Variants in RBMS3 observed in about 807,000 individuals in gnomAD.
RBMS3 encodes RNA binding motif single stranded interacting protein 3.
A neutral mutation model predicts 66.8 loss-of-function variants in RBMS3; 27 were observed. The ratio of observed to expected loss-of-function variants is 0.40; its 90% confidence interval spans 0.30 to 0.56. The LOEUF (loss-of-function observed/expected upper bound fraction) is 0.56, where lower values mean the gene tolerates loss of function less well. RBMS3 is among the 20% of genes least tolerant of loss of function. The pLI is 0.40. For missense variants in RBMS3, 513 were observed against 549.5 expected (o/e 0.93, Z 0.66); for synonymous variants, 188 against 183.0 (o/e 1.03, Z -0.22).
intron 12 of RBMS3, among the ~76,000 whole-genome samples, chr3:29,986,056 T>A (rs1356553030): frequency 6.6e-6 from 1 of 152,090 alleles, no homozygotes; most frequent in Non-Finnish European, 1.5e-5. Flanking sequence ...ACATACTAAC[T>A]TACTGGGCAA....
At chr3:29,789,354 A>T (rs1165747609) in intron 6 of RBMS3, among the ~76,000 whole-genome samples, 1 of 152,110 alleles carries the variant, frequency 6.6e-6, no homozygotes, top group East Asian at 1.9e-4. Context: ...TTATTAAAAA[A>T]TATTAATTTT....
intron 4 of RBMS3, among the ~76,000 whole-genome samples, chr3:29,635,979 A>G (rs1392554667): frequency 6.6e-6 from 1 of 151,660 alleles, no homozygotes; most frequent in Non-Finnish European, 1.5e-5. Context: ...AGGCCACTGT[A>G]GCTGCAAGGG....
At chr3:29,500,925 T>C (rs1374535227) in intron 3 of RBMS3, among the ~76,000 whole-genome samples, 1 of 152,094 alleles carries the variant, frequency 6.6e-6, no homozygotes, top group Admixed American at 6.6e-5. Flanking sequence ...AATTGTTATA[T>C]AAAGATTTAC....
chr3:29,734,748 C>T (rs1253865181), intron 4 of RBMS3, among the ~76,000 whole-genome samples: 1 of 152,076 alleles, frequency 6.6e-6, no homozygotes, highest in Non-Finnish European at 1.5e-5. Context: ...TCTTTTATAA[C>T]AATTAACATT....
chr3:29,484,171 T>C (rs768483867), intron 2 of RBMS3, among the ~76,000 whole-genome samples: 3 of 152,222 alleles, frequency 2.0e-5, no homozygotes, highest in Non-Finnish European at 2.9e-5. Context: ...GAAAGGTGTC[T>C]TGTCTGATGA....
At chr3:29,472,886 C>G (rs945761152) in intron 2 of RBMS3, among the ~76,000 whole-genome samples, 7 of 152,264 alleles carry the variant, frequency 4.6e-5, no homozygotes, top group African/African-American at 1.7e-4. Flanking sequence ...CTGGGACAGT[C>G]TGCTTTTATT....
In RBMS3 at chr3:29,527,838, C is replaced by T. The variant is rs1816661; in HGVS notation, c.307+39339C>T. Among the ~76,000 whole-genome samples, 908 of 149,394 alleles carry T rather than the reference C, an allele frequency of 6.1e-3. 59 individuals are homozygous for T. The East Asian group carries it at 0.15, about 25-fold the overall frequency. On this transcript the variant is annotated intron_variant, in intron 3 of 14. Coordinates refer to ENST00000383767, the MANE Select transcript of RBMS3 (RefSeq NM_001003793.3). ...GCCCTGGTGTGTGATGTTCCCCTTCCTGTGTCCAAGTGTTCTCATTGTTCA... is the reference window on the plus strand; with the variant it reads ...GCCCTGGTGTGTGATGTTCCCCTTCTTGTGTCCAAGTGTTCTCATTGTTCA...
chr3:29,862,864 G>GAA (rs5847603), intron 6 of RBMS3, among the ~76,000 whole-genome samples: 41 of 91,450 alleles, frequency 4.5e-4, no homozygotes, highest in Admixed American at 6.9e-4. Flanking sequence ...AAAGAAAAAA[G>GAA]AAAAAAAAAA....
chr3:29,488,429 TC>T lies in RBMS3; in HGVS notation c.249-11del. 2 of 1,596,328 alleles carry T rather than the reference TC, an allele frequency of 1.3e-6. No homozygotes were observed. Among genetic ancestry groups the T allele is most frequent in the Non-Finnish European group, 1.7e-6 (2 of 1,164,622 alleles). The stretch of plus-strand genomic sequence containing the variant: ...ACAATAACATGGGTTTTTTTCTCTC[TC>T]TCTCTTTCAGGTATGGAAAAATTGT... On this transcript the variant is annotated splice_polypyrimidine_tract_variant and intron_variant, in intron 2 of 14. Transcript: ENST00000383767.
intron 6 of RBMS3, among the ~76,000 whole-genome samples, chr3:29,856,104 A>G (rs1490768355): frequency 6.6e-6 from 1 of 152,246 alleles, no homozygotes; most frequent in African/African-American, 2.4e-5. Flanking sequence ...TATCAGAAAG[A>G]ATATTCTTTA....
At chr3:30,000,265 A>G (rs959376337) in intron 14 of RBMS3, among the ~76,000 whole-genome samples, 1 of 152,234 alleles carries the variant, frequency 6.6e-6, no homozygotes, top group African/African-American at 2.4e-5. Flanking sequence ...GAAGACATTT[A>G]TGCAGCCAAC....
intron 4 of RBMS3, among the ~76,000 whole-genome samples, chr3:29,708,156 A>G (rs897781537): frequency 2.6e-5 from 4 of 152,214 alleles, no homozygotes; most frequent in Non-Finnish European, 4.4e-5. Flanking sequence ...TGACACTCTC[A>G]GATGGTACCT....
intron 12 of RBMS3, among the ~76,000 whole-genome samples, chr3:29,953,565 T>C (rs1482293100): frequency 1.3e-5 from 2 of 151,942 alleles, no homozygotes; most frequent in Non-Finnish European, 2.9e-5. Context: ...CTTGGTGAAA[T>C]ATAAATGCAA....
chr3:29,551,105 G>T (rs1436374161), intron 3 of RBMS3, among the ~76,000 whole-genome samples: 3 of 152,200 alleles, frequency 2.0e-5, no homozygotes, highest in Non-Finnish European at 2.9e-5. Context: ...TCGTGGAGAT[G>T]AAATTTAAGC....
intron 6 of RBMS3, among the ~76,000 whole-genome samples, chr3:29,840,126 A>G (rs1049882079): frequency 7.2e-5 from 11 of 151,968 alleles, no homozygotes; most frequent in African/African-American, 2.7e-4. Flanking sequence ...TAGATTGGAG[A>G]TCTCTATGGG....
At position 29,979,260 on chromosome 3, in the gene RBMS3, T is replaced by A. The variant is rs116548137; in HGVS notation, c.1099-8883T>A. ...CTGTAAAATAGGTAAAGCATTTTGCTTGACTCAGTGTTGCTCTGAAGAGAA... is the reference window on the plus strand; with the variant it reads ...CTGTAAAATAGGTAAAGCATTTTGCATGACTCAGTGTTGCTCTGAAGAGAA... On this transcript the variant is annotated intron_variant, in intron 12 of 14. Coordinates refer to ENST00000383767, the MANE Select transcript of RBMS3 (RefSeq NM_001003793.3). Among the ~76,000 whole-genome samples the A allele has an allele frequency of 9.5e-3, 1,443 of 152,316 alleles. 9 individuals are homozygous for A. Among genetic ancestry groups the A allele is most frequent in the Non-Finnish European group, 0.013 (917 of 68,030 alleles).
intron 12 of RBMS3, among the ~76,000 whole-genome samples, chr3:29,962,050 GTGTATATATAATATATTATTATATAT>G (rs1401348057): frequency 7.1e-6 from 1 of 140,728 alleles, no homozygotes; most frequent in Non-Finnish European, 1.5e-5. Context: ...TATTATATAT[GTGTATATATAATATATTATTATATAT>G]TGTATATATA....
At chr3:29,296,480 ACT>A (rs1158322177) in intron 1 of RBMS3, among the ~76,000 whole-genome samples, 3 of 151,702 alleles carry the variant, frequency 2.0e-5, no homozygotes, top group South Asian at 2.1e-4. Flanking sequence ...GGAAAAAGTG[ACT>A]CTGTAAATCT....
At chr3:29,776,550 A>G (rs1389160556) in intron 6 of RBMS3, among the ~76,000 whole-genome samples, 1 of 152,020 alleles carries the variant, frequency 6.6e-6, no homozygotes, top group Non-Finnish European at 1.5e-5. Flanking sequence ...GATGTTAACA[A>G]TATCTCCTTT....
Sources: allele counts gnomAD v4.1 joint callset (sites outside exome capture counted in the v4.1 genomes callset), GRCh38; gene constraint gnomAD v4.1.1; transcripts MANE v1.5; gene names NCBI Gene and HGNC (gene_info 2026-07-23, HGNC 2026-07-21).